ARHGAP44: variants seen among roughly 807,000 people sequenced by gnomAD.
ARHGAP44 encodes the protein rho GTPase-activating protein 44.
In ARHGAP44, 43 loss-of-function variants were observed where a neutral mutation model predicts 106.8. The ratio of observed to expected loss-of-function variants is 0.40; its 90% CI spans 0.32 to 0.52. ARHGAP44 has a LOEUF of 0.52. Among genes scored for constraint, ARHGAP44 ranks in the 20% least tolerant of loss-of-function variants. ARHGAP44 has a pLI of 0.48. For synonymous variants in ARHGAP44, 439 were observed against 410.3 expected (o/e 1.07, Z -0.85); for missense variants, 866 against 1,050.5 (o/e 0.82, Z 2.43).
intron 10 of ARHGAP44, among the ~76,000 whole-genome samples, chr17:12,944,764 C>G (rs1182681228): frequency 2.0e-5 from 3 of 151,696 alleles, no homozygotes; most frequent in African/African-American, 7.3e-5. Context: ...GCTGGGATTA[C>G]AGGCGTGAGC....
rs537546906 is a variant in ARHGAP44 at position 12,837,351 on chromosome 17, A to T, written c.53+47460A>T. On this transcript the variant is annotated intron_variant, in intron 1 of 20. Transcript: ENST00000379672. ...CCCTAATGTGATTATTACACATTGT[A>T]TGCCTGTATGAGAACATCTTATGTA... 2.6e-5 allele frequency among the ~76,000 whole-genome samples: 4 copies of T among 152,336 alleles called. No individual in the cohort carries two copies. In the South Asian group the frequency reaches 8.3e-4, roughly 32 times the overall value.
At chr17:12,851,779 C>T (rs1399211901) in intron 1 of ARHGAP44, among the ~76,000 whole-genome samples, 2 of 152,090 alleles carry the variant, frequency 1.3e-5, no homozygotes, top group Non-Finnish European at 2.9e-5. Flanking sequence ...TGTGTCTCCA[C>T]TCCCCTAACT....
At chr17:12,874,560 G>A (rs1271759156) in intron 1 of ARHGAP44, among the ~76,000 whole-genome samples, 4 of 151,978 alleles carry the variant, frequency 2.6e-5, no homozygotes, top group African/African-American at 7.3e-5. Context: ...GTGAAACCCC[G>A]TCTATACTAA....
At chr17:12,930,061 G>A (rs1395483402) in intron 7 of ARHGAP44, among the ~76,000 whole-genome samples, 2 of 152,176 alleles carry the variant, frequency 1.3e-5, no homozygotes, top group Non-Finnish European at 2.9e-5. Context: ...ATGGAACCAA[G>A]CAAAGTAAGA....
chr17:12,921,554 G>T (rs980826758), intron 6 of ARHGAP44, among the ~76,000 whole-genome samples: 8 of 151,978 alleles, frequency 5.3e-5, no homozygotes, highest in Non-Finnish European at 7.4e-5. Context: ...ACTGTGTTGC[G>T]CAGGCTAGTT....
intron 1 of ARHGAP44, among the ~76,000 whole-genome samples, chr17:12,793,260 A>G (rs1320438454): frequency 3.3e-5 from 5 of 152,382 alleles, no homozygotes; most frequent in Admixed American, 3.3e-4. Context: ...AATAAATGGT[A>G]GCTACAAGTA....
intron 18 of ARHGAP44, among the ~76,000 whole-genome samples, chr17:12,976,856 G>A (rs1032984614): frequency 6.6e-6 from 1 of 152,128 alleles, no homozygotes; most frequent in Non-Finnish European, 1.5e-5. Context: ...GAGAGTGGTG[G>A]GCCAGGTGAG....
chr17:12,796,717 C>T (rs2033933885), intron 1 of ARHGAP44, among the ~76,000 whole-genome samples: 1 of 152,066 alleles, frequency 6.6e-6, no homozygotes, highest in African/African-American at 2.4e-5. Flanking sequence ...CTGCCTCAGC[C>T]TCCCAAGTAG....
chr17:12,912,429 G>T (rs945472931), intron 4 of ARHGAP44, among the ~76,000 whole-genome samples: 11 of 152,020 alleles, frequency 7.2e-5, no homozygotes, highest in African/African-American at 2.4e-4. Context: ...TAGAAAATTA[G>T]AAAAAATTGG....
At chr17:12,811,789 G>A (rs2034448566) in intron 1 of ARHGAP44, among the ~76,000 whole-genome samples, 1 of 152,036 alleles carries the variant, frequency 6.6e-6, no homozygotes, top group Admixed American at 6.6e-5. Context: ...GTTTTGTTTG[G>A]CTTATAGGCA....
At chr17:12,939,410 TC>T (rs1420106660) in intron 7 of ARHGAP44, among the ~76,000 whole-genome samples, 1 of 152,180 alleles carries the variant, frequency 6.6e-6, no homozygotes, top group East Asian at 1.9e-4. Context: ...AGAGGAGAAT[TC>T]CTTGTAACAT....
intron 4 of ARHGAP44, among the ~76,000 whole-genome samples, chr17:12,912,544 C>T (rs1332481606): frequency 6.6e-6 from 1 of 152,108 alleles, no homozygotes; most frequent in Non-Finnish European, 1.5e-5. Flanking sequence ...TATTCCGGAT[C>T]TTGAGGACAT....
At chr17:12,861,008 C>T (rs190398086) in intron 1 of ARHGAP44, among the ~76,000 whole-genome samples, 31 of 152,162 alleles carry the variant, frequency 2.0e-4, no homozygotes, top group Admixed American at 1.9e-3. Flanking sequence ...AGGTACGCAC[C>T]ACCATGCCCA....
intron 6 of ARHGAP44, among the ~76,000 whole-genome samples, chr17:12,922,439 T>C (rs1249452010): frequency 6.6e-6 from 1 of 152,196 alleles, no homozygotes; most frequent in Non-Finnish European, 1.5e-5. Context: ...TTGGGAGTCA[T>C]GTAAGATGGC....
chr17:12,976,797 TGA>T (rs1205969327), intron 18 of ARHGAP44, among the ~76,000 whole-genome samples: 2 of 151,968 alleles, frequency 1.3e-5, no homozygotes, highest in African/African-American at 4.8e-5. Context: ...CAGATGGACC[TGA>T]GAGATGCAGA....
At chr17:12,974,489 G>A (rs927832996) in intron 18 of ARHGAP44, among the ~76,000 whole-genome samples, 179 bp downstream of exon 18, 3 of 152,108 alleles carry the variant, frequency 2.0e-5, no homozygotes, top group Non-Finnish European at 2.9e-5. Context: ...CAGCTGCCTG[G>A]ATTATCACAC....
At chr17:12,871,457 A>G (rs1292755551) in intron 1 of ARHGAP44, among the ~76,000 whole-genome samples, 1 of 152,164 alleles carries the variant, frequency 6.6e-6, no homozygotes, top group African/African-American at 2.4e-5. Flanking sequence ...GGAAGGCCTC[A>G]GGAAACTTAC....
chr17:12,797,223 A>G (rs943888644), intron 1 of ARHGAP44, among the ~76,000 whole-genome samples: 1 of 152,144 alleles, frequency 6.6e-6, no homozygotes, highest in African/African-American at 2.4e-5. Context: ...GATGCAGATT[A>G]TATAAATATG....
chr17:12,872,422 T>C (rs2036432604), intron 1 of ARHGAP44, among the ~76,000 whole-genome samples: 1 of 143,128 alleles, frequency 7.0e-6, no homozygotes, highest in South Asian at 2.3e-4. Flanking sequence ...TTTATCCTTA[T>C]TTTTCTTGGA....
Sources: gnomAD v4.1 joint callset for allele counts (sites outside exome capture counted in the v4.1 genomes callset) on GRCh38, gnomAD v4.1.1 for gene constraint, MANE v1.5 for transcripts, NCBI Gene and HGNC (gene_info 2026-07-23, HGNC 2026-07-21) for gene names.